Variants in ZZEF1 observed in about 807,000 individuals in gnomAD.
The protein encoded by ZZEF1 is zinc finger ZZ-type and EF-hand domain containing 1, also known as zinc finger ZZ-type and EF-hand domain-containing protein 1.
In ZZEF1, 157 loss-of-function variants were observed where a neutral mutation model predicts 342.8. That is an observed-to-expected ratio of 0.46 (90% CI 0.40 to 0.52). The LOEUF (loss-of-function observed/expected upper bound fraction) is 0.52, where lower values mean the gene tolerates loss of function less well. Among genes scored for constraint, ZZEF1 ranks in the 20% least tolerant of loss-of-function variants. The pLI is 0.00. For missense variants in ZZEF1, 3,480 were observed against 3,725.6 expected, an observed-to-expected ratio of 0.93 and a Z score of 1.72; for synonymous variants, 1,505 against 1,429.1, an observed-to-expected ratio of 1.05 and a Z score of -1.20.
At chr17:4,044,876 G>C (rs1433299720) in intron 37 of ZZEF1, among the ~76,000 whole-genome samples, 37 of 152,158 alleles carry the variant, frequency 2.4e-4, no homozygotes. Flanking sequence ...CTGTCGGGCT[G>C]GGTGTGATGG....
chr17:4,045,241 G>T (rs2056889359), intron 37 of ZZEF1, among the ~76,000 whole-genome samples: 4 of 152,204 alleles, frequency 2.6e-5, no homozygotes, highest in Admixed American at 2.6e-4. Flanking sequence ...ATAAGAAATG[G>T]CTCTATTAAA....
chr17:4,030,608 T>C (rs1282877016), intron 42 of ZZEF1, among the ~76,000 whole-genome samples: 1 of 152,124 alleles, frequency 6.6e-6, no homozygotes, highest in African/African-American at 2.4e-5. Context: ...CTGCAGGTGA[T>C]CCTCCCACAT....
rs770764069 is a variant in ZZEF1, at chr17:4,021,370, G to C, written c.7213-50C>G. 7.4e-6 allele frequency: 11 copies of C among 1,477,836 alleles called. No individual in the cohort carries two copies. The Admixed American group carries it at 2.1e-4, about 28-fold the overall frequency. 91.5% of individuals were successfully genotyped at this position (1,477,836 alleles called of 1,614,324 possible). On this transcript the variant is annotated intron_variant, in intron 44 of 54. Transcript: ENST00000381638. The stretch of plus-strand genomic sequence containing the variant: ...AATGTGAGCACTCAGTGGGCGGGAA[G>C]ATGGTACAGTCCTTTAATCATGAAA...
At chr17:4,127,060 T>G (rs1211895684) in intron 1 of ZZEF1, among the ~76,000 whole-genome samples, 2 of 151,406 alleles carry the variant, frequency 1.3e-5, no homozygotes, top group East Asian at 3.9e-4. Context: ...AAGGTTGGAG[T>G]GCAGTAGTGC....
rs374044524 is a variant in ZZEF1, at chr17:4,077,980, G to C, written c.2892C>G (p.Phe964Leu). The C allele has an allele frequency of 8.1e-6, 13 of 1,614,012 alleles. No homozygotes were observed. The African/African-American group carries it at 1.2e-4, about 15-fold the overall frequency. The change falls in exon 19 of 55, where the codon TTC (phenylalanine) becomes TTG (leucine). Residue 964 changes from phenylalanine (F) to leucine (L), a missense_variant. Phe to Leu is a conservative substitution (Grantham distance 22). This residue lies in a region of ZZEF1 where 1,528 missense variants were observed against 1,624.1 expected (regional missense o/e 0.94). Transcript: ENST00000381638. The part of the protein sequence containing the change: ...GEVGSVLFSL[F>L]WSVQGSLLSW... ...ATAGCAGGCTGCCTTGGACGGACCA[G>C]AACAGGGAGAAGAGCACAGAGCCCA...
intron 21 of ZZEF1, chr17:4,076,375 C>T (rs567953742): frequency 3.9e-5 from 9 of 230,164 alleles, no homozygotes; most frequent in South Asian, 8.9e-5. Flanking sequence ...CCTCGTGATC[C>T]GCCCGCCTCG....
chr17:4,063,504 C>A (rs545216557), intron 29 of ZZEF1, among the ~76,000 whole-genome samples: 1 of 152,294 alleles, frequency 6.6e-6, no homozygotes, highest in East Asian at 1.9e-4. Context: ...AAAATTCTAA[C>A]GGTACGTTCT....
At position 4,005,402 on chromosome 17, in the gene ZZEF1, C is replaced by T. The variant is rs2144900805; in HGVS notation, c.*1488G>A. The T allele has an allele frequency of 6.6e-6, 1 of 152,556 alleles. No individual in the cohort carries two copies. The highest frequency in any genetic ancestry group is 2.1e-4 in the South Asian group (1 of 4,834). The allele number at this position is 152,556 out of a possible 1,614,324, so 9.5% of individuals were successfully genotyped here. On this transcript the variant is annotated 3_prime_UTR_variant, in exon 55 of 55. Transcript: ENST00000381638. The stretch of plus-strand genomic sequence containing the variant: ...CCTCAGTCCTCAGGCCACCAAGTTC[C>T]AGGACCTGCCCCATGTGTTCCCGTC...
At chr17:4,053,703 T>C (rs1343268268) in intron 34 of ZZEF1, among the ~76,000 whole-genome samples, 1 of 152,236 alleles carries the variant, frequency 6.6e-6, no homozygotes, top group African/African-American at 2.4e-5. Flanking sequence ...TACGAGGATT[T>C]TTGAAGCTTG....
Position 4,057,940 on chromosome 17 carries a change from C to T in ZZEF1, c.5165+54G>A, listed in dbSNP as rs984654183. On this transcript the variant is annotated intron_variant, in intron 32 of 54. Transcript: ENST00000381638. ...TGCTCTTAACGCCCCCACTATGTTC[C>T]TTGCGTTTCATAACCTACATTAGGA... is the stretch of plus-strand genomic sequence containing the variant. 14 of 1,570,948 alleles carry T rather than the reference C, an allele frequency of 8.9e-6. No individual in the cohort carries two copies. In the East Asian group the frequency reaches 3.2e-4, roughly 36 times the overall value.
chr17:4,106,820 G>T (rs1159278915), intron 6 of ZZEF1, among the ~76,000 whole-genome samples: 1 of 152,212 alleles, frequency 6.6e-6, no homozygotes, highest in African/African-American at 2.4e-5. Flanking sequence ...TTCTGTGAAT[G>T]TATCAAAAGT....
intron 2 of ZZEF1, among the ~76,000 whole-genome samples, chr17:4,123,372 G>T (rs2058521269): frequency 6.9e-6 from 1 of 144,856 alleles, no homozygotes; most frequent in Non-Finnish European, 1.5e-5. Flanking sequence ...ACCCACTGGG[G>T]GTGCTGGAAC....
At position 4,082,440 on chromosome 17, in the gene ZZEF1, A is replaced by C. The variant is rs2057741637; in HGVS notation, c.2711T>G (p.Phe904Cys). 1.2e-6 allele frequency: 2 copies of C among 1,614,044 alleles called. No individual in the cohort carries two copies. Among genetic ancestry groups the C allele is most frequent in the South Asian group, 2.2e-5 (2 of 91,072 alleles). Residue 904 changes from phenylalanine (F) to cysteine (C), a missense_variant, in exon 17 of 55, where the codon TTT becomes TGT. Coordinates refer to ENST00000381638, the MANE Select transcript of ZZEF1 (RefSeq NM_015113.4). Reference sequence around the variant, plus strand: ...TTAAAAAGAACGATCAGCTTACCTAAAATACGTGCACAGTGAACGGAAAGT... The same window carrying C: ...TTAAAAAGAACGATCAGCTTACCTACAATACGTGCACAGTGAACGGAAAGT... ...QLTFRSLCTY[F>C]SDKDPGGLLL...
chr17:4,072,844 A>C, intron 24 of ZZEF1, 88 bp from the exon 25 acceptor site: 1 of 1,333,418 alleles, frequency 7.5e-7, no homozygotes. Context: ...GTTAAAAAAA[A>C]CCATGGATAC....
rs191901688 is a variant in ZZEF1, at chr17:4,008,928, C to T, written c.8760G>A (p.Leu2920=). ...AQELGVLQDY[L]LALTTDDHLL... is the part of the protein sequence containing the mutation. ...GGTGGTCGTCCGTGGTTAGGGCCAGCAGGTAATCCTGCAGCACGCCAAGCT... is the reference window on the plus strand; with the variant it reads ...GGTGGTCGTCCGTGGTTAGGGCCAGTAGGTAATCCTGCAGCACGCCAAGCT... The change falls in exon 54 of 55, where the codon CTG becomes CTA. Residue 2920 remains leucine, a synonymous_variant. Transcript: ENST00000381638. This position sits in a 1 kb window ranked among gnomAD's most constrained non-coding sequence, Gnocchi z 4.2. 6.5e-7 allele frequency: 1 copy of T among 1,543,886 alleles called. No individual in the cohort carries two copies. Among genetic ancestry groups the T allele is most frequent in the Admixed American group, 2.0e-5 (1 of 51,152 alleles).
At chr17:4,130,383 G>A (rs2058644583) in intron 1 of ZZEF1, among the ~76,000 whole-genome samples, 1 of 152,154 alleles carries the variant, frequency 6.6e-6, no homozygotes, top group Admixed American at 6.5e-5. Context: ...AACCCAGGAG[G>A]TGGAGCTTGC....
intron 27 of ZZEF1, 55 bp downstream of exon 27, chr17:4,067,108 A>G (rs2057415439): frequency 1.4e-6 from 2 of 1,405,444 alleles, no homozygotes; most frequent in Non-Finnish European, 2.0e-6. Context: ...TAATTCCATG[A>G]TATCACGGTA....
At chr17:4,065,233 T>C (rs1365985139) in intron 28 of ZZEF1, among the ~76,000 whole-genome samples, 1 of 151,698 alleles carries the variant, frequency 6.6e-6, no homozygotes, top group Non-Finnish European at 1.5e-5. Context: ...CCAATCTCTA[T>C]AAAAAAACAA....
intron 1 of ZZEF1, among the ~76,000 whole-genome samples, chr17:4,125,073 C>G (rs1266199617): frequency 6.6e-6 from 1 of 152,140 alleles, no homozygotes; most frequent in Non-Finnish European, 1.5e-5. Flanking sequence ...AGCACATCGG[C>G]CCTGTAGTGT....
Sources: allele counts gnomAD v4.1 joint callset (sites outside exome capture counted in the v4.1 genomes callset), GRCh38; gene constraint gnomAD v4.1.1; regional missense constraint gnomAD v4.1.1; non-coding constraint Gnocchi (gnomAD v3.1); transcripts MANE v1.5; gene names NCBI Gene and HGNC (gene_info 2026-07-23, HGNC 2026-07-21).